ROBO2: variants seen among roughly 807,000 people sequenced by gnomAD.
ROBO2 encodes roundabout homolog 2.
A neutral mutation model predicts 160.8 loss-of-function variants in ROBO2; 53 were observed. That is an observed-to-expected ratio of 0.33 (90% CI 0.26 to 0.41). ROBO2 has a LOEUF of 0.41. Ranked by LOEUF, ROBO2 falls within the 10% of genes least tolerant of loss-of-function variation. The probability of loss-of-function intolerance (pLI) is 1.00; values close to 1 mark genes in which losing one functional copy is unlikely to be tolerated. For missense variants in ROBO2, 1,577 were observed against 1,722.4 expected (o/e 0.92, Z 1.49); for synonymous variants, 664 against 611.7 (o/e 1.09, Z -1.26).
At chr3:77,364,427 T>G (rs186795368) in intron 2 of ROBO2, among the ~76,000 whole-genome samples, 1 of 152,266 alleles carries the variant, frequency 6.6e-6, no homozygotes, top group East Asian at 1.9e-4. Context: ...CTTTCATTAT[T>G]CTTGACAGTA....
intron 2 of ROBO2, among the ~76,000 whole-genome samples, chr3:77,296,393 C>T (rs537907717): frequency 3.3e-4 from 50 of 152,224 alleles, no homozygotes; most frequent in African/African-American, 1.1e-3. Context: ...GGCTAGATCA[C>T]CAAAGACATA....
At chr3:76,449,466 C>A (rs2077364093) in intron 2 of ROBO2, among the ~76,000 whole-genome samples, 1 of 152,060 alleles carries the variant, frequency 6.6e-6, no homozygotes, top group African/African-American at 2.4e-5. Context: ...TGCTACCCTA[C>A]ATGCTGGGGT....
intron 2 of ROBO2, among the ~76,000 whole-genome samples, chr3:76,856,365 T>G (rs2070078803): frequency 6.6e-6 from 1 of 152,224 alleles, no homozygotes; most frequent in African/African-American, 2.4e-5. Flanking sequence ...GTAAAATGAT[T>G]ACTACAGTGG....
chr3:77,059,874 C>A (rs1017483930), intron 1 of ROBO2, among the ~76,000 whole-genome samples: 26 of 152,016 alleles, frequency 1.7e-4, no homozygotes, highest in African/African-American at 6.3e-4. Flanking sequence ...CACAGTGAGA[C>A]CATCTGGCAT....
At chr3:76,120,810 ACTT>A (rs2070720002) in intron 2 of ROBO2, among the ~76,000 whole-genome samples, 1 of 152,086 alleles carries the variant, frequency 6.6e-6, no homozygotes, top group Non-Finnish European at 1.5e-5. Context: ...CCCCTGAAAA[ACTT>A]CTATAAAAAT....
intron 2 of ROBO2, among the ~76,000 whole-genome samples, chr3:76,795,688 T>C (rs2063645505): frequency 6.6e-6 from 1 of 152,130 alleles, no homozygotes; most frequent in South Asian, 2.1e-4. Flanking sequence ...TCCATGAGGT[T>C]TGGAATCAAC....
In ROBO2 at chr3:76,701,520, T is replaced by C. The variant is rs538501700; in HGVS notation, c.110-396494T>C. On this transcript the variant is annotated intron_variant, in intron 2 of 26. Coordinates refer to the ROBO2 transcript ENST00000487694. ...TTTGACAGCCCTCCAATTTTGCTTT[T>C]ACTGTTATTGATTCATTGAATCCAG... Among the ~76,000 whole-genome samples the C allele has an allele frequency of 2.0e-5, 3 of 152,168 alleles. No homozygotes were observed. In the East Asian group the frequency reaches 5.8e-4, roughly 29 times the overall value.
rs1051463771 is a variant in ROBO2, at chr3:76,650,587, T to C, written c.110-447427T>C. 3.3e-5 allele frequency among the ~76,000 whole-genome samples: 5 copies of C among 152,110 alleles called. 1 individual carries two copies. The South Asian group carries it at 6.2e-4, about 19-fold the overall frequency. On this transcript the variant is annotated intron_variant, in intron 2 of 26. Coordinates refer to the ROBO2 transcript ENST00000487694. ...TTGCTGATAATTAACAGGTGAAAGTTCTTGACAGTTTTGCAACGTGAAGGT... is the reference window on the plus strand; with the variant it reads ...TTGCTGATAATTAACAGGTGAAAGTCCTTGACAGTTTTGCAACGTGAAGGT...
At chr3:77,498,377 A>G (rs1384544529) in intron 5 of ROBO2, among the ~76,000 whole-genome samples, 3 of 152,216 alleles carry the variant, frequency 2.0e-5, no homozygotes, top group Non-Finnish European at 4.4e-5. Flanking sequence ...CACATAGTGG[A>G]TATAATTAAT....
intron 2 of ROBO2, among the ~76,000 whole-genome samples, chr3:76,404,795 A>G (rs1022120225): frequency 2.6e-5 from 4 of 151,626 alleles, no homozygotes; most frequent in Non-Finnish European, 5.9e-5. Flanking sequence ...GCTTTCTAAT[A>G]TAGAAAACGG....
intron 5 of ROBO2, among the ~76,000 whole-genome samples, chr3:77,506,490 G>T (rs2088554105): frequency 6.6e-6 from 1 of 152,060 alleles, no homozygotes; most frequent in Non-Finnish European, 1.5e-5. Flanking sequence ...GTCCTTTAGT[G>T]CAGTGATTCT....
At chr3:76,318,946 G>C (rs971730212) in intron 2 of ROBO2, among the ~76,000 whole-genome samples, 9 of 152,092 alleles carry the variant, frequency 5.9e-5, no homozygotes, top group Non-Finnish European at 1.3e-4. Flanking sequence ...TAATGACCTT[G>C]GTCAATCAAG....
intron 2 of ROBO2, among the ~76,000 whole-genome samples, chr3:76,615,307 C>A (rs1387998688): frequency 6.6e-6 from 1 of 151,988 alleles, no homozygotes; most frequent in African/African-American, 2.4e-5. Context: ...AAATGCAAAG[C>A]CAGGATTGAG....
intron 2 of ROBO2, among the ~76,000 whole-genome samples, chr3:76,466,648 C>T (rs189876218): frequency 1.3e-5 from 2 of 151,816 alleles, no homozygotes; most frequent in Non-Finnish European, 2.9e-5. Flanking sequence ...TTTTTGTTGA[C>T]CCATCATTTC....
intron 2 of ROBO2, among the ~76,000 whole-genome samples, chr3:76,299,466 A>G (rs1231439608): frequency 6.6e-6 from 1 of 152,194 alleles, no homozygotes; most frequent in African/African-American, 2.4e-5. Context: ...GAGAAAATAA[A>G]GGGGAGAACA....
intron 2 of ROBO2, among the ~76,000 whole-genome samples, chr3:76,704,337 A>T (rs1032637082): frequency 1.3e-5 from 2 of 152,106 alleles, no homozygotes; most frequent in African/African-American, 2.4e-5. Context: ...TTCCAATATC[A>T]TCACTTTTTG....
intron 2 of ROBO2, among the ~76,000 whole-genome samples, chr3:76,373,433 G>A (rs896326820): frequency 3.9e-5 from 6 of 151,970 alleles, no homozygotes; most frequent in African/African-American, 1.4e-4. Flanking sequence ...TCATTTATAT[G>A]TGCATAATTT....
At chr3:77,207,199 C>T (rs2083549662) in intron 2 of ROBO2, among the ~76,000 whole-genome samples, 1 of 152,172 alleles carries the variant, frequency 6.6e-6, no homozygotes, top group South Asian at 2.1e-4. Context: ...ATCTGCTTCT[C>T]TAATCGTCTC....
intron 2 of ROBO2, among the ~76,000 whole-genome samples, chr3:77,200,147 C>A (rs1327590075): frequency 6.7e-6 from 1 of 149,724 alleles, no homozygotes; most frequent in Non-Finnish European, 1.5e-5. Flanking sequence ...AAGAAGATTG[C>A]ATTTGGAAGG....
Sources: gnomAD v4.1 joint callset for allele counts (sites outside exome capture counted in the v4.1 genomes callset) on GRCh38, gnomAD v4.1.1 for gene constraint, MANE v1.5 for transcripts, NCBI Gene and HGNC (gene_info 2026-07-23, HGNC 2026-07-21) for gene names.